Variants in PTPRD observed in about 807,000 individuals in gnomAD.
The protein encoded by PTPRD is protein tyrosine phosphatase receptor type D, also known as receptor-type tyrosine-protein phosphatase delta.
In PTPRD, 34 loss-of-function variants were observed where a neutral mutation model predicts 214.5. That is an observed-to-expected ratio of 0.16 (90% CI 0.12 to 0.21). PTPRD has a LOEUF of 0.21. PTPRD is among the 10% of genes least tolerant of loss of function. The pLI is 1.00. For synonymous variants in PTPRD, 1,128 were observed against 845.7 expected (o/e 1.33, Z -5.79); for missense variants, 2,545 against 2,398.7 (o/e 1.06, Z -1.27).
At chr9:9,282,115 A>T (rs932290940) in intron 9 of PTPRD, among the ~76,000 whole-genome samples, 14 of 151,412 alleles carry the variant, frequency 9.2e-5, no homozygotes, top group Admixed American at 2.6e-4. Flanking sequence ...AAGAATGAAT[A>T]GGTGAAGTAT....
intron 7 of PTPRD, among the ~76,000 whole-genome samples, chr9:9,613,964 C>T (rs1237803704): frequency 6.6e-6 from 1 of 152,140 alleles, no homozygotes; most frequent in African/African-American, 2.4e-5. Flanking sequence ...TGAAATGATG[C>T]TCTGTTACAG....
chr9:9,507,615 A>G (rs1163985450), intron 8 of PTPRD, among the ~76,000 whole-genome samples: 1 of 151,510 alleles, frequency 6.6e-6, no homozygotes, highest in Non-Finnish European at 1.5e-5. Flanking sequence ...ACAGGAATTT[A>G]TTGCAATCAG....
At position 8,713,674 on chromosome 9, in the gene PTPRD, C is replaced by T. The variant is rs2098395381; in HGVS notation, c.64+20106G>A. The T allele has an allele frequency of 7.9e-6, 12 of 1,511,540 alleles. No homozygotes were observed. The South Asian group carries it at 1.1e-4, about 14-fold the overall frequency. 93.6% of individuals were successfully genotyped at this position (1,511,540 alleles called of 1,614,324 possible). A position where few individuals can be genotyped will look rare whatever the true frequency, so the allele number is the denominator to read the frequency against. On this transcript the variant is annotated intron_variant, in intron 12 of 45. Coordinates refer to ENST00000381196, the MANE Select transcript of PTPRD (RefSeq NM_002839.4). ...GGGCGCCCGGCACCGCGCCCGGGCC[C>T]ACTCCATTCAGATCATGATGGTGGA...
intron 10 of PTPRD, among the ~76,000 whole-genome samples, chr9:9,126,830 T>C (rs1264055348): frequency 6.6e-6 from 1 of 152,226 alleles, no homozygotes; most frequent in Non-Finnish European, 1.5e-5. Flanking sequence ...TACACATTTT[T>C]ATTTGACAAT....
intron 7 of PTPRD, among the ~76,000 whole-genome samples, chr9:9,586,112 G>A (rs1439408190): frequency 6.6e-6 from 1 of 151,980 alleles, no homozygotes; most frequent in African/African-American, 2.4e-5. Flanking sequence ...TAGTTGCGGT[G>A]GAGGTGGTAG....
At chr9:8,657,191 G>C (rs375775995) in intron 12 of PTPRD, among the ~76,000 whole-genome samples, 3 of 128,294 alleles carry the variant, frequency 2.3e-5, no homozygotes. Flanking sequence ...TTTTGAGACA[G>C]AGTTTCACTC....
chr9:10,336,940 C>T (rs1433956409), intron 3 of PTPRD, among the ~76,000 whole-genome samples: 2 of 151,386 alleles, frequency 1.3e-5, no homozygotes, highest in African/African-American at 4.8e-5. Context: ...AATAAATAGC[C>T]CAGGAAATTC....
At chr9:10,263,946 C>G (rs571957267) in intron 3 of PTPRD, among the ~76,000 whole-genome samples, 3 of 152,102 alleles carry the variant, frequency 2.0e-5, no homozygotes, top group Admixed American at 2.0e-4. Flanking sequence ...CCATCCATGG[C>G]GAAAATGGGC....
At chr9:9,450,380 C>A (rs967529249) in intron 8 of PTPRD, among the ~76,000 whole-genome samples, 1 of 151,998 alleles carries the variant, frequency 6.6e-6, no homozygotes. Context: ...AACATTCCCA[C>A]CAGCAGTATA....
intron 23 of PTPRD, among the ~76,000 whole-genome samples, chr9:8,501,850 CTTGA>C (rs2097417425): frequency 6.6e-6 from 1 of 152,144 alleles, no homozygotes; most frequent in Admixed American, 6.5e-5. Flanking sequence ...TATAACTCTT[CTTGA>C]GACACCATTG....
At chr9:8,809,228 G>T (rs1338064870) in intron 11 of PTPRD, among the ~76,000 whole-genome samples, 3 of 152,040 alleles carry the variant, frequency 2.0e-5, no homozygotes, top group Non-Finnish European at 4.4e-5. Context: ...TGTAATATCT[G>T]TATATTCAGA....
chr9:9,642,099 G>T (rs1370860731), intron 7 of PTPRD, among the ~76,000 whole-genome samples: 2 of 148,364 alleles, frequency 1.3e-5, no homozygotes, highest in East Asian at 3.9e-4. Flanking sequence ...AAAATGATGA[G>T]TTCATATCCT....
intron 11 of PTPRD, among the ~76,000 whole-genome samples, chr9:8,932,014 T>C (rs1293645409): frequency 6.6e-6 from 1 of 152,198 alleles, no homozygotes; most frequent in African/African-American, 2.4e-5. Flanking sequence ...TGATATCTCC[T>C]TTATAATTTT....
In PTPRD at chr9:9,490,066, A is replaced by G. The variant is rs544423159; in HGVS notation, c.-237+84666T>C. Among the ~76,000 whole-genome samples the G allele has an allele frequency of 6.2e-4, 95 of 152,262 alleles. 1 individual carries two copies. The highest frequency in any genetic ancestry group is 2.2e-3 in the African/African-American group (90 of 41,582). ...CCATAAGATTATGTGCAAATTTCTT[A>G]TCAAAAACTATAGATGCCAGAAGCT... On this transcript the variant is annotated intron_variant, in intron 8 of 45. Coordinates refer to ENST00000381196, the MANE Select transcript of PTPRD (RefSeq NM_002839.4).
At chr9:10,084,812 A>G (rs921404793) in intron 3 of PTPRD, among the ~76,000 whole-genome samples, 4 of 152,006 alleles carry the variant, frequency 2.6e-5, no homozygotes, top group African/African-American at 9.7e-5. Flanking sequence ...TTTAGTTCAC[A>G]AGCTGTAGTT....
At chr9:9,959,928 A>T (rs943277206) in intron 4 of PTPRD, among the ~76,000 whole-genome samples, 8 of 152,164 alleles carry the variant, frequency 5.3e-5, no homozygotes, top group Admixed American at 1.3e-4. Context: ...TTTTAGAGAG[A>T]TATGTCTATA....
At chr9:8,416,566 G>A (rs55646371) in intron 35 of PTPRD, among the ~76,000 whole-genome samples, 2,325 of 152,236 alleles carry the variant, frequency 0.015, 32 homozygotes, top group Non-Finnish European at 0.025. Context: ...ACACTCTGGA[G>A]GGGATTTTGT....
rs118071760 is a variant in PTPRD, at chr9:9,790,059, C to T, written c.-367-23208G>A. ...AGATGATCTTAGCAGGCCAGAACCTCTTTCTAATCTGGTCCCAATTTCCTC... is the reference window on the plus strand; with the variant it reads ...AGATGATCTTAGCAGGCCAGAACCTTTTTCTAATCTGGTCCCAATTTCCTC... On this transcript the variant is annotated intron_variant, in intron 5 of 45. Coordinates refer to ENST00000381196, the MANE Select transcript of PTPRD (RefSeq NM_002839.4). Among the ~76,000 whole-genome samples the T allele has an allele frequency of 1.3e-4, 20 of 152,206 alleles. No homozygotes were observed. In the East Asian group the frequency reaches 3.5e-3, roughly 26 times the overall value.
chr9:9,024,213 T>C (rs944344147), intron 10 of PTPRD, among the ~76,000 whole-genome samples: 2 of 151,878 alleles, frequency 1.3e-5, no homozygotes, highest in Admixed American at 1.3e-4. Context: ...CTTCCATGAG[T>C]ATTTTTAAAT....
Sources: gnomAD v4.1 joint callset for allele counts (sites outside exome capture counted in the v4.1 genomes callset) on GRCh38, gnomAD v4.1.1 for gene constraint, MANE v1.5 for transcripts, NCBI Gene and HGNC (gene_info 2026-07-23, HGNC 2026-07-21) for gene names.